The following CADM1 variants were observed in gnomAD, a reference collection of about 807,000 sequenced individuals.
CADM1 encodes cell adhesion molecule 1.
In CADM1, 15 loss-of-function variants were observed where a neutral mutation model predicts 53.1. That is an observed-to-expected ratio of 0.28 (90% CI 0.19 to 0.44). CADM1 has a LOEUF of 0.44. CADM1 is among the 20% of genes least tolerant of loss of function. CADM1 has a pLI of 1.00. For synonymous variants in CADM1, 281 were observed against 243.0 expected (o/e 1.16, Z -1.45); for missense variants, 434 against 611.3 (o/e 0.71, Z 3.06).
chr11:115,266,948 A>G (rs151002364), intron 1 of CADM1, among the ~76,000 whole-genome samples: 3 of 152,380 alleles, frequency 2.0e-5, no homozygotes, highest in African/African-American at 4.8e-5. Flanking sequence ...AAATCAGAAT[A>G]CAAGTTACTC....
intron 1 of CADM1, among the ~76,000 whole-genome samples, chr11:115,427,933 G>A (rs1212556392): frequency 6.9e-6 from 1 of 145,696 alleles, no homozygotes; most frequent in East Asian, 2.1e-4. Context: ...TTAAGCCCAT[G>A]AGGCGGAGCT....
chr11:115,341,264 T>C (rs188491133), intron 1 of CADM1, among the ~76,000 whole-genome samples: 2 of 152,320 alleles, frequency 1.3e-5, no homozygotes, highest in Admixed American at 1.3e-4. Flanking sequence ...CTAAGTATTA[T>C]TTCAGTGACT....
chr11:115,295,514 A>T lies in CADM1; in HGVS notation c.125-55094T>A, dbSNP rs1287866987. On this transcript the variant is annotated intron_variant, in intron 1 of 11. Transcript: ENST00000331581. ...GCTTTGATCAAGATATTTTATATAT[A>T]TATATATATATATATATATATATAT... 2.7e-4 allele frequency among the ~76,000 whole-genome samples: 12 copies of T among 43,886 alleles called. 1 individual carries two copies. Among genetic ancestry groups the T allele is most frequent in the East Asian group, 3.4e-3 (1 of 298 alleles). The allele number at this position is 43,886 out of a possible 152,430, so 28.8% of individuals were successfully genotyped here. A position where few individuals can be genotyped will look rare whatever the true frequency, so the allele number is the denominator to read the frequency against.
intron 1 of CADM1, among the ~76,000 whole-genome samples, chr11:115,251,377 C>T (rs755176266): frequency 6.6e-6 from 1 of 150,944 alleles, no homozygotes; most frequent in African/African-American, 2.4e-5. Context: ...GTAAGGATAT[C>T]AGTTGGAACA....
chr11:115,214,406 AC>A, intron 7 of CADM1: 1 of 598,552 alleles, frequency 1.7e-6, no homozygotes. Context: ...TAGTAGAAAC[AC>A]CCACCATTAG....
rs182394449 is a variant in CADM1 at position 115,413,746 on chromosome 11, G to A, written c.124+90525C>T. On this transcript the variant is annotated intron_variant, in intron 1 of 11. Transcript: ENST00000331581. ...TGCAACCTCTGCTTCCAGGGTTTAAGTGATTCTCCTGCCTCAGCCTGTGGA... is the reference window on the plus strand; with the variant it reads ...TGCAACCTCTGCTTCCAGGGTTTAAATGATTCTCCTGCCTCAGCCTGTGGA... 6.6e-5 allele frequency among the ~76,000 whole-genome samples: 10 copies of A among 150,950 alleles called. No individual in the cohort carries two copies. In the East Asian group the frequency reaches 1.8e-3, roughly 27 times the overall value.
chr11:115,442,320 G>A (rs1343441877), intron 1 of CADM1, among the ~76,000 whole-genome samples: 1 of 152,144 alleles, frequency 6.6e-6, no homozygotes, highest in East Asian at 1.9e-4. Flanking sequence ...GCTTTGGGAT[G>A]TTGTACTATA....
chr11:115,260,611 C>A (rs906234306), intron 1 of CADM1, among the ~76,000 whole-genome samples: 3 of 152,162 alleles, frequency 2.0e-5, no homozygotes, highest in African/African-American at 4.8e-5. Context: ...TGCTTGTTTA[C>A]TGAGTCATAA....
chr11:115,434,887 G>GTTTTTTTTTT, intron 1 of CADM1, among the ~76,000 whole-genome samples: 1 of 136,272 alleles, frequency 7.3e-6, no homozygotes, highest in Non-Finnish European at 1.6e-5. Flanking sequence ...TTGAGACAGA[G>GTTTTTTTTTT]TCTCACTCTG....
At chr11:115,292,920 T>TACTGTA (rs1421714629) in intron 1 of CADM1, among the ~76,000 whole-genome samples, 2 of 152,220 alleles carry the variant, frequency 1.3e-5, no homozygotes, top group African/African-American at 4.8e-5. Flanking sequence ...CCCCTTGCTA[T>TACTGTA]TTGCATACTG....
chr11:115,172,882 G>A lies in CADM1; in HGVS notation c.*3592C>T, dbSNP rs1938846717. The A allele has an allele frequency of 6.6e-6, 1 of 152,084 alleles. No individual in the cohort carries two copies. The highest frequency in any genetic ancestry group is 2.4e-5 in the African/African-American group (1 of 41,392). 9.4% of individuals were successfully genotyped at this position (152,084 alleles called of 1,614,324 possible). ...AACTTTCCCCATGACGTGGCCAAGG[G>A]AGAAAAGGGGAACTCATCAACCACA... On this transcript the variant is annotated 3_prime_UTR_variant, in exon 12 of 12. Transcript: ENST00000331581.
chr11:115,344,652 G>A (rs556072336), intron 1 of CADM1, among the ~76,000 whole-genome samples: 1 of 152,238 alleles, frequency 6.6e-6, no homozygotes, highest in East Asian at 1.9e-4. Flanking sequence ...GGTGTGAGAT[G>A]AGGCCCATCC....
Position 115,187,177 on chromosome 11 carries a change from ATTG to A in CADM1, c.1165+3708_1165+3710del, listed in dbSNP as rs138757852. ...TGGTTTTTAATGTTTTATTATCATT[ATTG>A]TTGTTATTACTCTACCAAGGGAATA... On this transcript the variant is annotated intron_variant, in intron 10 of 11. Coordinates refer to ENST00000331581, the MANE Select transcript of CADM1 (RefSeq NM_001301043.2). Among the ~76,000 whole-genome samples, 640 of 152,236 alleles carry A rather than the reference ATTG, an allele frequency of 4.2e-3. 5 individuals are homozygous for A. The highest frequency in any genetic ancestry group is 0.014 in the African/African-American group (594 of 41,538).
intron 1 of CADM1, among the ~76,000 whole-genome samples, chr11:115,409,275 T>C (rs889785261): frequency 5.3e-5 from 8 of 152,204 alleles, no homozygotes; most frequent in Non-Finnish European, 8.8e-5. Flanking sequence ...AACACCTCTC[T>C]ACATAACACA....
intron 1 of CADM1, among the ~76,000 whole-genome samples, chr11:115,385,379 T>C (rs1946674757): frequency 6.6e-6 from 1 of 152,138 alleles, no homozygotes; most frequent in East Asian, 1.9e-4. Context: ...TGTGAGTACT[T>C]CTAATACAGG....
intron 1 of CADM1, among the ~76,000 whole-genome samples, chr11:115,278,967 A>T (rs923602898): frequency 2.0e-5 from 3 of 152,214 alleles, no homozygotes; most frequent in African/African-American, 7.2e-5. Context: ...GGACGTGGGC[A>T]GGGAAAAGTA....
At chr11:115,347,258 A>G (rs947639276) in intron 1 of CADM1, among the ~76,000 whole-genome samples, 1 of 152,120 alleles carries the variant, frequency 6.6e-6, no homozygotes, top group African/African-American at 2.4e-5. Context: ...AGCCCCCCCA[A>G]CTGCTTCTTG....
chr11:115,390,572 G>C (rs986244596), intron 1 of CADM1, among the ~76,000 whole-genome samples: 3 of 150,510 alleles, frequency 2.0e-5, no homozygotes, highest in African/African-American at 7.3e-5. Flanking sequence ...AGATGTAAGT[G>C]TTTAGTTAAC....
chr11:115,323,830 G>A (rs1231277995), intron 1 of CADM1, among the ~76,000 whole-genome samples: 2 of 151,932 alleles, frequency 1.3e-5, no homozygotes, highest in African/African-American at 4.8e-5. Context: ...TATTCTGAAG[G>A]AGGATTCATT....
Sources: gnomAD v4.1 joint callset for allele counts (sites outside exome capture counted in the v4.1 genomes callset) on GRCh38, gnomAD v4.1.1 for gene constraint, MANE v1.5 for transcripts, NCBI Gene and HGNC (gene_info 2026-07-23, HGNC 2026-07-21) for gene names.